The following DENND2A variants were observed in gnomAD, a reference collection of about 807,000 sequenced individuals.
DENND2A encodes the protein DENN domain containing 2A.
A neutral mutation model predicts 105.3 loss-of-function variants in DENND2A; 53 were observed. That is an observed-to-expected ratio of 0.50 (90% CI 0.40 to 0.63). The LOEUF (loss-of-function observed/expected upper bound fraction) is 0.63, where lower values mean the gene tolerates loss of function less well. DENND2A is among the 30% of genes least tolerant of loss of function. The probability of loss-of-function intolerance (pLI) is 0.00; values close to 1 mark genes in which losing one functional copy is unlikely to be tolerated. For missense variants in DENND2A, 1,138 were observed against 1,279.6 expected, an observed-to-expected ratio of 0.89 and a Z score of 1.69; for synonymous variants, 522 against 508.4, an observed-to-expected ratio of 1.03 and a Z score of -0.36.
At chr7:140,593,832 G>A (rs1799165204) in intron 3 of DENND2A, among the ~76,000 whole-genome samples, 1 of 151,636 alleles carries the variant, frequency 6.6e-6, no homozygotes, top group Non-Finnish European at 1.5e-5. Flanking sequence ...TCGCCTCACC[G>A]CACCTGCCCA....
chr7:140,598,359 C>A (rs893653362), intron 3 of DENND2A, among the ~76,000 whole-genome samples: 1 of 152,094 alleles, frequency 6.6e-6, no homozygotes, highest in African/African-American at 2.4e-5. Flanking sequence ...AATAAGAGTG[C>A]CTGTGAGTGA....
intron 4 of DENND2A, among the ~76,000 whole-genome samples, chr7:140,587,437 C>A (rs574576421): frequency 6.6e-6 from 1 of 152,284 alleles, no homozygotes; most frequent in East Asian, 1.9e-4. Flanking sequence ...TCATTACCAG[C>A]TAGTCTTCCC....
At chr7:140,618,127 T>C (rs1420453953) in intron 1 of DENND2A, among the ~76,000 whole-genome samples, 1 of 152,206 alleles carries the variant, frequency 6.6e-6, no homozygotes, top group East Asian at 1.9e-4. Context: ...GAGTTAATGC[T>C]CAATAACTGC....
intron 1 of DENND2A, among the ~76,000 whole-genome samples, chr7:140,633,380 C>T (rs564089165): frequency 6.6e-6 from 1 of 152,072 alleles, no homozygotes; most frequent in Non-Finnish European, 1.5e-5. Context: ...GTCTCAAACT[C>T]CCGACCTCAA....
At chr7:140,606,861 T>C (rs539635667) in intron 1 of DENND2A, among the ~76,000 whole-genome samples, 222 of 152,296 alleles carry the variant, frequency 1.5e-3, no homozygotes, top group African/African-American at 4.9e-3. Context: ...AAGTAACTGA[T>C]TAAACTTCAT....
chr7:140,583,287 C>T (rs1024035130), intron 5 of DENND2A, among the ~76,000 whole-genome samples: 1 of 146,764 alleles, frequency 6.8e-6, no homozygotes, highest in Non-Finnish European at 1.5e-5. Context: ...CCAGCCTGGG[C>T]GACAGTACGA....
rs1464130441 is a variant in DENND2A at position 140,569,732 on chromosome 7, A to C, written c.1453T>G (p.Leu485Val). ...RKKRKIPKLV[L>V]RINAIYEVRR... ...ACCTCATAAATGGCGTTGATTCGCAACACCAGCTGCCAGACACCAGGAGAA... is the reference window on the plus strand; with the variant it reads ...ACCTCATAAATGGCGTTGATTCGCACCACCAGCTGCCAGACACCAGGAGAA... Residue 485 changes from leucine to valine, a missense_variant, in exon 7 of 20, where the codon TTG becomes GTG. Coordinates refer to ENST00000496613, the MANE Select transcript of DENND2A (RefSeq NM_015689.5). 3 of 1,611,560 alleles carry C rather than the reference A, an allele frequency of 1.9e-6. No homozygotes were observed. Among genetic ancestry groups the C allele is most frequent in the Non-Finnish European group, 2.5e-6 (3 of 1,177,956 alleles).
chr7:140,630,738 G>A (rs1051795485), intron 1 of DENND2A, among the ~76,000 whole-genome samples: 4 of 152,198 alleles, frequency 2.6e-5, no homozygotes, highest in African/African-American at 7.2e-5. Context: ...GCACACACCT[G>A]TAATTTCAGC....
At chr7:140,562,882 C>T (rs746596873) in intron 9 of DENND2A, among the ~76,000 whole-genome samples, 7 of 152,218 alleles carry the variant, frequency 4.6e-5, no homozygotes, top group African/African-American at 1.4e-4. Flanking sequence ...TAACAGTTCT[C>T]TCTTCCATCC....
Position 140,602,446 on chromosome 7 carries a change from G to A in DENND2A, c.-49C>T. The A allele has an allele frequency of 6.7e-7, 1 of 1,502,186 alleles. No individual in the cohort carries two copies. Among genetic ancestry groups the A allele is most frequent in the Non-Finnish European group, 8.8e-7 (1 of 1,131,046 alleles). 93.1% of individuals were successfully genotyped at this position (1,502,186 alleles called of 1,614,324 possible). A position where few individuals can be genotyped will look rare whatever the true frequency, so the allele number is the denominator to read the frequency against. On this transcript the variant is annotated 5_prime_UTR_variant, in exon 3 of 20. Transcript: ENST00000496613. Reference sequence around the variant, plus strand: ...GGAGGCCTTCCAGGGGACTCCTTCTGAAGCCTGACTCCTGATCAGTCTCTA... The same window carrying A: ...GGAGGCCTTCCAGGGGACTCCTTCTAAAGCCTGACTCCTGATCAGTCTCTA...
At chr7:140,586,215 G>A (rs1467916626) in intron 4 of DENND2A, among the ~76,000 whole-genome samples, 2 of 151,988 alleles carry the variant, frequency 1.3e-5, no homozygotes, top group Non-Finnish European at 2.9e-5. Context: ...GCTAACCTGA[G>A]AGGTAAGAAA....
chr7:140,552,713 T>G (rs1433157127), intron 12 of DENND2A, among the ~76,000 whole-genome samples: 1 of 152,102 alleles, frequency 6.6e-6, no homozygotes, highest in African/African-American at 2.4e-5. Flanking sequence ...TTGTGTTTTA[T>G]TTTTTAATTA....
chr7:140,533,900 T>A (rs554669203), intron 14 of DENND2A, among the ~76,000 whole-genome samples: 2 of 152,126 alleles, frequency 1.3e-5, no homozygotes, highest in East Asian at 3.9e-4. Flanking sequence ...TTCCTCTTGC[T>A]CTGTAGCCCT....
chr7:140,554,017 G>A, intron 12 of DENND2A, among the ~76,000 whole-genome samples: 1 of 150,874 alleles, frequency 6.6e-6, no homozygotes, highest in East Asian at 2.0e-4. Flanking sequence ...TACGAGGTCA[G>A]GAGATCAAGA....
intron 1 of DENND2A, among the ~76,000 whole-genome samples, chr7:140,607,106 T>C (rs755778058): frequency 1.1e-4 from 16 of 152,154 alleles, no homozygotes; most frequent in Non-Finnish European, 1.8e-4. Flanking sequence ...GTATTTACGT[T>C]ACGTTTCCAG....
At position 140,601,357 on chromosome 7, in the gene DENND2A, G is replaced by C. The variant is rs748131673; in HGVS notation, c.995+46C>G. 20 of 1,530,002 alleles carry C rather than the reference G, an allele frequency of 1.3e-5. No homozygotes were observed. The South Asian group carries it at 2.6e-4, about 20-fold the overall frequency. 94.8% of individuals were successfully genotyped at this position (1,530,002 alleles called of 1,614,324 possible). The stretch of plus-strand genomic sequence containing the variant: ...CGGTTATGATGGGACACAAACCACT[G>C]AGAGAGTCAGGTGGCGACACTCTGC... On this transcript the variant is annotated intron_variant, in intron 3 of 19. Transcript: ENST00000496613.
chr7:140,611,960 G>A (rs1472900160), intron 1 of DENND2A, among the ~76,000 whole-genome samples: 1 of 152,154 alleles, frequency 6.6e-6, no homozygotes, highest in Non-Finnish European at 1.5e-5. Context: ...GTGAATGTTG[G>A]CTGAGTGCGG....
intron 6 of DENND2A, among the ~76,000 whole-genome samples, chr7:140,570,533 G>C (rs1467980676): frequency 1.3e-5 from 2 of 152,232 alleles, no homozygotes; most frequent in African/African-American, 4.8e-5. Flanking sequence ...CTGCTCCCGA[G>C]CCCTAGCTTG....
At chr7:140,521,788 C>A in intron 18 of DENND2A, 67 bp downstream of exon 18, 1 of 1,590,674 alleles carries the variant, frequency 6.3e-7, no homozygotes, top group South Asian at 1.1e-5. Context: ...TTTCTCCCTA[C>A]TCATCAGCCG....
Sources: gnomAD v4.1 joint callset for allele counts (sites outside exome capture counted in the v4.1 genomes callset) on GRCh38, gnomAD v4.1.1 for gene constraint, MANE v1.5 for transcripts, NCBI Gene and HGNC (gene_info 2026-07-23, HGNC 2026-07-21) for gene names.